NISCH: variants seen among roughly 807,000 people sequenced by gnomAD.
The protein encoded by NISCH is I-1 receptor candidate protein.
In NISCH, 55 loss-of-function variants were observed where a neutral mutation model predicts 138.4. That is an observed-to-expected ratio of 0.40 (90% CI 0.32 to 0.50). The LOEUF (loss-of-function observed/expected upper bound fraction) is 0.50. Among genes scored for constraint, NISCH ranks in the 20% least tolerant of loss-of-function variants. The probability of loss-of-function intolerance (pLI) is 0.71; values close to 1 mark genes in which losing one functional copy is unlikely to be tolerated. For synonymous variants in NISCH, 860 were observed against 861.5 expected (o/e 1.00, Z 0.03); for missense variants, 1,643 against 2,005.5 (o/e 0.82, Z 3.45).
rs773181204 is a variant in NISCH at position 52,479,772 on chromosome 3, C to G, written c.1326C>G (p.Thr442=). The G allele has an allele frequency of 6.2e-7, 1 of 1,613,550 alleles. No homozygotes were observed. The change falls in exon 12 of 21, where the codon ACC becomes ACG. Residue 442 remains threonine (T), a synonymous_variant. Transcript: ENST00000345716. Reference sequence around the variant, plus strand: ...AGGTCTGTCTGGATGACACAGTGACCACAGAGAAGGAGCTGGACACTGTGG... The same window carrying G: ...AGGTCTGTCTGGATGACACAGTGACGACAGAGAAGGAGCTGGACACTGTGG... The part of the protein sequence containing the change: ...ASEVCLDDTV[T]TEKELDTVEV...
chr3:52,459,924 T>C (rs555217866), intron 3 of NISCH, among the ~76,000 whole-genome samples: 10 of 149,460 alleles, frequency 6.7e-5, no homozygotes, highest in African/African-American at 2.5e-4. Flanking sequence ...CTCATGCCTG[T>C]AATCCCAGCA....
At chr3:52,461,847 AG>A (rs1706641047) in intron 3 of NISCH, among the ~76,000 whole-genome samples, 1 of 150,884 alleles carries the variant, frequency 6.6e-6, no homozygotes, top group Admixed American at 6.6e-5. Context: ...TGGGCGACAG[AG>A]CAAGACTCCG....
intron 3 of NISCH, among the ~76,000 whole-genome samples, chr3:52,470,375 G>C (rs1706910795): frequency 6.6e-6 from 1 of 152,198 alleles, no homozygotes; most frequent in African/African-American, 2.4e-5. Context: ...AGACACATTT[G>C]AAACGTGAGA....
chr3:52,470,654 G>C (rs1024325027), intron 3 of NISCH: 5 of 602,922 alleles, frequency 8.3e-6, no homozygotes, highest in South Asian at 2.0e-5. Context: ...CTTTGGAGGA[G>C]ACATTTCAGG....
intron 15 of NISCH, 148 bp downstream of exon 15, chr3:52,485,975 G>C (rs779078368): frequency 2.8e-6 from 2 of 704,140 alleles, no homozygotes; most frequent in Admixed American, 2.5e-5. Flanking sequence ...AAGAGACACA[G>C]ATGAGATGGA....
chr3:52,458,829 G>C lies in NISCH; in HGVS notation c.345G>C (p.Leu115Phe). 1.3e-6 allele frequency: 2 copies of C among 1,592,286 alleles called. No homozygotes were observed. The highest frequency in any genetic ancestry group is 2.2e-5 in the East Asian group (1 of 44,708). Residue 115 changes from leucine (L) to phenylalanine (F), a missense_variant, in exon 3 of 21, where the codon TTG becomes TTC. By Grantham distance (22) the Leu-to-Phe change is conservative. Transcript: ENST00000345716. Reference protein sequence around the residue: ...GVTPRVLAHFLHFHFYEINGI... With the variant: ...GVTPRVLAHFFHFHFYEINGI... ...CCCCCAGAGTACTGGCCCACTTCTT[G>C]CATTTTCACTTCTATGTAAGTTCCT...
intron 13 of NISCH, chr3:52,481,016 G>C: frequency 7.2e-7 from 1 of 1,392,694 alleles, no homozygotes; most frequent in South Asian, 1.7e-5. Context: ...GCCTGCCCGG[G>C]CTCCTGGAGA....
intron 11 of NISCH, 95 bp downstream of exon 11, chr3:52,478,672 C>T: frequency 1.7e-6 from 2 of 1,191,176 alleles, no homozygotes; most frequent in East Asian, 4.9e-5. Flanking sequence ...ATTGTTCTAC[C>T]CTTGCCTGCT....
At position 52,491,488 on chromosome 3, in the gene NISCH, C is replaced by T. The variant is rs1490214113; in HGVS notation, c.3879C>T (p.Tyr1293=). Reference sequence around the variant, plus strand: ...CGGAGCCTGTTGACAAGGACTTCTACTCCGAGTTTGGGAACAAGACCACAG... The same window carrying T: ...CGGAGCCTGTTGACAAGGACTTCTATTCCGAGTTTGGGAACAAGACCACAG... ...PSPEPVDKDF[Y]SEFGNKTTGK... Residue 1293 remains tyrosine, a synonymous_variant, in exon 20 of 21, where the codon TAC becomes TAT. Transcript: ENST00000345716. The T allele has an allele frequency of 4.3e-6, 7 of 1,612,888 alleles. No homozygotes were observed. Among genetic ancestry groups the T allele is most frequent in the South Asian group, 1.1e-5 (1 of 91,022 alleles).
Position 52,489,487 on chromosome 3 carries a change from G to A in NISCH, c.3265G>A (p.Glu1089Lys). The A allele has an allele frequency of 6.2e-7, 1 of 1,608,736 alleles. No homozygotes were observed. The highest frequency in any genetic ancestry group is 2.2e-5 in the East Asian group (1 of 44,842). Residue 1089 changes from glutamate (E) to lysine (K), a missense_variant, in exon 17 of 21, where the codon GAG becomes AAG. Glu to Lys is a moderately conservative substitution (Grantham distance 56, BLOSUM62 1). Coordinates refer to ENST00000345716, the MANE Select transcript of NISCH (RefSeq NM_007184.4). ...EASTSALVPE[E>K]TPVEAPAPPP... Reference sequence around the variant, plus strand: ...CTCAACTTCAGCTTTGGTCCCAGAGGAGACGCCAGTGGAAGCTCCAGCCCC... The same window carrying A: ...CTCAACTTCAGCTTTGGTCCCAGAGAAGACGCCAGTGGAAGCTCCAGCCCC...
Position 52,487,797 on chromosome 3 carries a change from A to T in NISCH, c.2305A>T (p.Thr769Ser). ...CTTTTGCTTCCCGCATGGCGACCTC[A>T]CCGAGTTTGGCTTCCTCATGCCGGA... The part of the protein sequence containing the change: ...FVFCFPHGDL[T>S]EFGFLMPELC... The change falls in exon 16 of 21, where the codon ACC becomes TCC. Residue 769 changes from threonine to serine, a missense_variant. Physicochemically the swap from Thr to Ser is moderately conservative, Grantham distance 58. Transcript: ENST00000345716. This position sits in a 1 kb window ranked among gnomAD's most constrained non-coding sequence, Gnocchi z 9.1. 6.2e-7 allele frequency: 1 copy of T among 1,611,874 alleles called. No homozygotes were observed. The highest frequency in any genetic ancestry group is 2.2e-5 in the East Asian group (1 of 44,822).
chr3:52,489,799 T>G, intron 17 of NISCH, 121 bp downstream of exon 17: 1 of 1,459,242 alleles, frequency 6.9e-7, no homozygotes. Context: ...TCAGCTGAGC[T>G]GCTCACAGCT....
intron 3 of NISCH, among the ~76,000 whole-genome samples, chr3:52,462,118 C>T (rs1004125196): frequency 2.6e-5 from 4 of 152,028 alleles, no homozygotes; most frequent in South Asian, 2.1e-4. Flanking sequence ...AGGCAGGCTC[C>T]GCTACTTGTA....
intron 5 of NISCH, among the ~76,000 whole-genome samples, 157 bp from the exon 6 acceptor site, chr3:52,472,146 G>A (rs757907581): frequency 6.6e-6 from 1 of 152,152 alleles, no homozygotes; most frequent in East Asian, 1.9e-4. Context: ...ACCAGGGGGC[G>A]GTCGTGACCC....
At chr3:52,470,606 T>C in intron 3 of NISCH, 2 of 564,214 alleles carry the variant, frequency 3.5e-6, no homozygotes, top group South Asian at 2.1e-5. Context: ...CTTGGCCCTA[T>C]GGACTGGAGT....
chr3:52,492,537 G>A lies in NISCH; in HGVS notation c.*55G>A. 6.6e-7 allele frequency: 1 copy of A among 1,506,412 alleles called. No homozygotes were observed. Among genetic ancestry groups the A allele is most frequent in the Non-Finnish European group, 8.8e-7 (1 of 1,134,642 alleles). 93.3% of individuals were successfully genotyped at this position (1,506,412 alleles called of 1,614,324 possible). A position where few individuals can be genotyped will look rare whatever the true frequency, so the allele number is the denominator to read the frequency against. ...GCCTGACGCCTACTGGGGCAGGGCA[G>A]CAGGCTTTTGTGTTCTCTAAAAATG... is the stretch of plus-strand genomic sequence containing the variant. On this transcript the variant is annotated 3_prime_UTR_variant, in exon 21 of 21. Transcript: ENST00000345716.
At chr3:52,464,126 G>A (rs1285734666) in intron 3 of NISCH, among the ~76,000 whole-genome samples, 1 of 151,842 alleles carries the variant, frequency 6.6e-6, no homozygotes, top group Admixed American at 6.6e-5. Context: ...GCCGGGCGCG[G>A]GTGGCTCATG....
rs994905702 is a variant in NISCH at position 52,489,963 on chromosome 3, A to G, written c.3457-112A>G. 2.8e-6 allele frequency: 4 copies of G among 1,436,528 alleles called. No homozygotes were observed. The African/African-American group carries it at 4.2e-5, about 15-fold the overall frequency. The allele number at this position is 1,436,528 out of a possible 1,614,324, so 89.0% of individuals were successfully genotyped here. ...TCTCTGCCTTGAAGCATACGGATTC[A>G]TTGGTGAGCCAAGAGGGGCTTCCCA... On this transcript the variant is annotated intron_variant, in intron 17 of 20. Coordinates refer to ENST00000345716, the MANE Select transcript of NISCH (RefSeq NM_007184.4).
At chr3:52,480,463 G>A in intron 13 of NISCH, 168 bp downstream of exon 13, 1 of 1,536,082 alleles carries the variant, frequency 6.5e-7, no homozygotes, top group Non-Finnish European at 8.7e-7. Context: ...ACATGGCAGG[G>A]GTGCCTGGCC....
Sources: allele counts gnomAD v4.1 joint callset (sites outside exome capture counted in the v4.1 genomes callset), GRCh38; gene constraint gnomAD v4.1.1; non-coding constraint Gnocchi (gnomAD v3.1); transcripts MANE v1.5; gene names NCBI Gene and HGNC (gene_info 2026-07-23, HGNC 2026-07-21).